The following DPYD variants were observed in gnomAD, a reference collection of about 807,000 sequenced individuals.
DPYD encodes dihydropyrimidine dehydrogenase, also known as dihydropyrimidine dehydrogenase [NADP(+)].
In DPYD, 109 loss-of-function variants were observed where a neutral mutation model predicts 116.2. The observed-to-expected ratio is 0.94, with a 90% CI of 0.80 to 1.10. The LOEUF is 1.10. Ranked by LOEUF, DPYD falls within the 50% of genes least tolerant of loss-of-function variation. The pLI, the probability that DPYD is intolerant of heterozygous loss-of-function variation, is 0.00. For synonymous variants in DPYD, 440 were observed against 432.0 expected, an observed-to-expected ratio of 1.02 and a Z score of -0.23; for missense variants, 1,302 against 1,254.5, an observed-to-expected ratio of 1.04 and a Z score of -0.57.
intron 19 of DPYD, among the ~76,000 whole-genome samples, chr1:97,226,252 C>G (rs938431795): frequency 6.6e-6 from 1 of 151,986 alleles, no homozygotes; most frequent in Non-Finnish European, 1.5e-5. Context: ...ACAGTAAAGG[C>G]CATATATCAC....
rs1410361440 is a variant in DPYD, at chr1:97,306,166, C to A, written c.2179+11G>T. On this transcript the variant is annotated intron_variant, in intron 17 of 22. Transcript: ENST00000370192. ...ACAATAGCGGGCAACTGATTCAAGT[C>A]AAGTTCTTACCTTCCTTTGCAGCTC... is the stretch of plus-strand genomic sequence containing the variant. 6.2e-7 allele frequency: 1 copy of A among 1,612,140 alleles called. No individual in the cohort carries two copies. The highest frequency in any genetic ancestry group is 8.5e-7 in the Non-Finnish European group (1 of 1,178,648).
At chr1:97,494,073 G>T in intron 13 of DPYD, among the ~76,000 whole-genome samples, 1 of 152,174 alleles carries the variant, frequency 6.6e-6, no homozygotes, top group East Asian at 1.9e-4. Context: ...AAGAGAAAAT[G>T]TAAATTATAT....
At chr1:97,370,015 C>T (rs1019468213) in intron 16 of DPYD, among the ~76,000 whole-genome samples, 12 of 152,180 alleles carry the variant, frequency 7.9e-5, no homozygotes, top group Non-Finnish European at 5.9e-5. Flanking sequence ...TCTTTATCCA[C>T]TGTATCATTG....
At chr1:97,724,301 GGGGGGGGTGTGTGTGTGT>G (rs1663097945) in intron 4 of DPYD, among the ~76,000 whole-genome samples, 1 of 15,512 alleles carries the variant, frequency 6.4e-5, no homozygotes, top group Admixed American at 6.5e-4. Context: ...TGTGGGGGGG[GGGGGGGGTGTGTGTGTGT>G]GTGTGTGTGT....
intron 12 of DPYD, among the ~76,000 whole-genome samples, chr1:97,524,862 A>T (rs1648940101): frequency 6.6e-6 from 1 of 152,102 alleles, no homozygotes; most frequent in Admixed American, 6.5e-5. Context: ...TGTATTTTAA[A>T]CTTATTACAC....
intron 3 of DPYD, among the ~76,000 whole-genome samples, chr1:97,746,856 T>C (rs969310759): frequency 6.6e-5 from 10 of 151,912 alleles, no homozygotes; most frequent in Admixed American, 6.6e-5. Flanking sequence ...AAGATTTAAA[T>C]AGTAACACTA....
intron 13 of DPYD, among the ~76,000 whole-genome samples, chr1:97,492,833 A>C (rs1679045279): frequency 6.6e-6 from 1 of 152,138 alleles, no homozygotes; most frequent in Admixed American, 6.6e-5. Flanking sequence ...CCCCACCCAG[A>C]AGTATCTCTA....
intron 15 of DPYD, among the ~76,000 whole-genome samples, chr1:97,381,302 G>T (rs1169084222): frequency 1.3e-5 from 2 of 152,018 alleles, no homozygotes; most frequent in African/African-American, 4.8e-5. Flanking sequence ...AAGTAATGTT[G>T]TCTATTTAAA....
At chr1:97,440,482 G>T (rs1420936897) in intron 14 of DPYD, among the ~76,000 whole-genome samples, 6 of 151,248 alleles carry the variant, frequency 4.0e-5, no homozygotes, top group Admixed American at 3.3e-4. Context: ...TTGATTGTTG[G>T]TTTTTTGGCT....
At chr1:97,290,336 T>A (rs1270956923) in intron 18 of DPYD, among the ~76,000 whole-genome samples, 1 of 152,120 alleles carries the variant, frequency 6.6e-6, no homozygotes, top group Non-Finnish European at 1.5e-5. Context: ...AAAAAACTAC[T>A]TTAAAGTTCA....
rs192661436 is a variant in DPYD at position 97,205,434 on chromosome 1, T to G, written c.2443-12186A>C. Among the ~76,000 whole-genome samples the G allele has an allele frequency of 1.4e-4, 22 of 152,214 alleles. No homozygotes were observed. The East Asian group carries it at 3.9e-3, about 27-fold the overall frequency. On this transcript the variant is annotated intron_variant, in intron 19 of 22. Transcript: ENST00000370192. ...TCACATATATGTAGCTTTTTCAGAT[T>G]GACTTATTTCACTTAGCAGTATGCA... is the stretch of plus-strand genomic sequence containing the variant.
In DPYD at chr1:97,173,600, T is replaced by C. The variant is rs1657039487; in HGVS notation, c.2622+19469A>G. Reference sequence around the variant, plus strand: ...ATCATCAATGATAAAGAGTTTATCTTATTAATCACTCAATCTCAATTAACT... The same window carrying C: ...ATCATCAATGATAAAGAGTTTATCTCATTAATCACTCAATCTCAATTAACT... On this transcript the variant is annotated intron_variant, in intron 20 of 22. Coordinates refer to ENST00000370192, the MANE Select transcript of DPYD (RefSeq NM_000110.4). 2.6e-5 allele frequency among the ~76,000 whole-genome samples: 4 copies of C among 151,416 alleles called. No individual in the cohort carries two copies. In the Admixed American group the frequency reaches 2.6e-4, roughly 10 times the overall value.
At chr1:97,474,345 A>G (rs914627815) in intron 13 of DPYD, among the ~76,000 whole-genome samples, 3 of 152,106 alleles carry the variant, frequency 2.0e-5, no homozygotes, top group Non-Finnish European at 4.4e-5. Context: ...CTGAGTGTCT[A>G]ACTAAACATA....
intron 19 of DPYD, among the ~76,000 whole-genome samples, chr1:97,209,344 T>C (rs1201380699): frequency 6.6e-6 from 1 of 152,206 alleles, no homozygotes; most frequent in Admixed American, 6.5e-5. Context: ...AATCTGCTTA[T>C]AATCAACATT....
chr1:97,631,209 T>C (rs1457120227), intron 8 of DPYD, among the ~76,000 whole-genome samples: 1 of 152,064 alleles, frequency 6.6e-6, no homozygotes, highest in African/African-American at 2.4e-5. Context: ...AAGCATTCTG[T>C]TTGGCCACTG....
intron 16 of DPYD, among the ~76,000 whole-genome samples, chr1:97,327,806 G>A (rs971386279): frequency 2.0e-5 from 3 of 151,876 alleles, no homozygotes; most frequent in Admixed American, 1.3e-4. Context: ...TCCAGGTTTT[G>A]TTATAAATAA....
chr1:97,742,728 A>C (rs1395067268), intron 3 of DPYD, among the ~76,000 whole-genome samples: 1 of 152,184 alleles, frequency 6.6e-6, no homozygotes, highest in East Asian at 1.9e-4. Flanking sequence ...AAATATACTG[A>C]GCATTAATAG....
intron 20 of DPYD, among the ~76,000 whole-genome samples, chr1:97,143,306 C>T (rs548811597): frequency 6.6e-6 from 1 of 152,214 alleles, no homozygotes; most frequent in African/African-American, 2.4e-5. Context: ...GGCATCTTGA[C>T]ATCTGCTTTA....
chr1:97,219,149 A>C (rs1307098130), intron 19 of DPYD, among the ~76,000 whole-genome samples: 1 of 152,176 alleles, frequency 6.6e-6, no homozygotes. Flanking sequence ...TAATGAAGAA[A>C]AGTTATAAAG....
Sources: gnomAD v4.1 joint callset for allele counts (sites outside exome capture counted in the v4.1 genomes callset) on GRCh38, gnomAD v4.1.1 for gene constraint, MANE v1.5 for transcripts, NCBI Gene and HGNC (gene_info 2026-07-23, HGNC 2026-07-21) for gene names.